The following DOP1A variants were observed in gnomAD, a reference collection of about 807,000 sequenced individuals.
DOP1A encodes DOP1 leucine zipper like protein A.
A neutral mutation model predicts 267.6 loss-of-function variants in DOP1A; 90 were observed. The ratio of observed to expected loss-of-function variants is 0.34; its 90% confidence interval spans 0.28 to 0.40. The LOEUF is 0.40. Among genes scored for constraint, DOP1A ranks in the 10% least tolerant of loss-of-function variants. The probability of loss-of-function intolerance (pLI) is 1.00; values close to 1 mark genes in which losing one functional copy is unlikely to be tolerated. For synonymous variants in DOP1A, 932 were observed against 999.1 expected (o/e 0.93, Z 1.27); for missense variants, 2,437 against 2,900.4 (o/e 0.84, Z 3.67).
intron 1 of DOP1A, among the ~76,000 whole-genome samples, chr6:83,070,263 A>AT (rs1413168635): frequency 6.6e-6 from 1 of 152,316 alleles, no homozygotes; most frequent in East Asian, 1.9e-4. Flanking sequence ...TAAAGCTAAT[A>AT]TTTTTTGTGT....
At chr6:83,099,869 C>T (rs1269356106) in intron 3 of DOP1A, among the ~76,000 whole-genome samples, 1 of 152,010 alleles carries the variant, frequency 6.6e-6, no homozygotes, top group African/African-American at 2.4e-5. Flanking sequence ...ATTATTTCAA[C>T]CTCAGTTTAT....
intron 15 of DOP1A, among the ~76,000 whole-genome samples, chr6:83,127,080 A>C (rs1777293804): frequency 6.6e-6 from 1 of 152,072 alleles, no homozygotes; most frequent in Admixed American, 6.6e-5. Flanking sequence ...AGAAATGCAA[A>C]AACCCGAAAA....
chr6:83,116,315 C>G (rs962199127), intron 7 of DOP1A, among the ~76,000 whole-genome samples: 6 of 152,172 alleles, frequency 3.9e-5, no homozygotes, highest in Non-Finnish European at 1.5e-5. Flanking sequence ...GTCATATGTG[C>G]TTTTGTAACT....
chr6:83,140,432 G>A (rs1488622494), intron 23 of DOP1A, 29 bp downstream of exon 23: 8 of 1,537,566 alleles, frequency 5.2e-6, no homozygotes, highest in Non-Finnish European at 6.1e-6. Flanking sequence ...AATCTGTAGA[G>A]CTCAAGAGTC....
intron 3 of DOP1A, 66 bp downstream of exon 3, chr6:83,097,181 A>G (rs1771651684): frequency 6.6e-7 from 1 of 1,519,272 alleles, no homozygotes; most frequent in Non-Finnish European, 8.9e-7. Flanking sequence ...TACTTGTTAG[A>G]TTTCTCGAAA....
Position 83,153,964 on chromosome 6 carries a change from C to A in DOP1A, c.6310C>A (p.Arg2104=), listed in dbSNP as rs375358541. 6.2e-7 allele frequency: 1 copy of A among 1,614,004 alleles called. No homozygotes were observed. The highest frequency in any genetic ancestry group is 1.1e-5 in the South Asian group (1 of 91,074). ...LSSLSGYQYT[R]RAWKKEAFDL... is the part of the protein sequence containing the mutation. ...CAGTCTTAGTGGGTATCAGTACACA[C>A]GGAGAGCTTGGAAAAAAGAAGCTTT... The change falls in exon 32 of 39, where the codon CGG becomes AGG. Residue 2104 remains arginine, a synonymous_variant. Coordinates refer to ENST00000349129, the MANE Select transcript of DOP1A (RefSeq NM_015018.4).
intron 1 of DOP1A, among the ~76,000 whole-genome samples, chr6:83,083,301 T>G (rs1377763246): frequency 6.6e-6 from 1 of 151,242 alleles, no homozygotes; most frequent in Non-Finnish European, 1.5e-5. Flanking sequence ...ATTATTATAG[T>G]TTTTTTTTAA....
intron 24 of DOP1A, among the ~76,000 whole-genome samples, chr6:83,145,044 A>G (rs1025322437): frequency 7.0e-5 from 10 of 142,356 alleles, no homozygotes; most frequent in East Asian, 6.2e-4. Flanking sequence ...TTGAGGCTGC[A>G]GTAAACTGTA....
At chr6:83,156,668 G>A (rs1782867308) in intron 34 of DOP1A, among the ~76,000 whole-genome samples, 1 of 152,186 alleles carries the variant, frequency 6.6e-6, no homozygotes, top group Admixed American at 6.5e-5. Flanking sequence ...GCTCGAGTCA[G>A]CATACTCTAA....
At chr6:83,126,049 G>A (rs1365886249) in intron 15 of DOP1A, among the ~76,000 whole-genome samples, 1 of 151,442 alleles carries the variant, frequency 6.6e-6, no homozygotes, top group East Asian at 1.9e-4. Flanking sequence ...TTATTTCAAT[G>A]TAATCTATAT....
At chr6:83,164,519 C>A in intron 38 of DOP1A, 1 of 787,368 alleles carries the variant, frequency 1.3e-6, no homozygotes, top group Non-Finnish European at 2.1e-6. Context: ...AGTCTTTTGC[C>A]CAAAATTTGT....
At chr6:83,077,080 AAGC>A (rs1767227440) in intron 1 of DOP1A, among the ~76,000 whole-genome samples, 1 of 152,242 alleles carries the variant, frequency 6.6e-6, no homozygotes, top group South Asian at 2.1e-4. Context: ...AAATTCATAA[AAGC>A]AGAAAATAGA....
intron 33 of DOP1A, 88 bp downstream of exon 33, chr6:83,154,329 G>A: frequency 3.2e-6 from 4 of 1,235,248 alleles, no homozygotes; most frequent in Non-Finnish European, 4.7e-6. Flanking sequence ...GAGACTAGGA[G>A]ACTACTGAAT....
chr6:83,092,656 TTC>T (rs988298266), intron 1 of DOP1A, among the ~76,000 whole-genome samples: 3 of 150,124 alleles, frequency 2.0e-5, no homozygotes, highest in African/African-American at 7.4e-5. Flanking sequence ...CTGTTTTTTT[TTC>T]TATACATATA....
In DOP1A at chr6:83,129,071, C is replaced by T; in HGVS notation, c.1904C>T (p.Ser635Phe). 1 of 1,614,040 alleles carries T rather than the reference C, an allele frequency of 6.2e-7. No homozygotes were observed. The highest frequency in any genetic ancestry group is 8.5e-7 in the Non-Finnish European group (1 of 1,179,974). ...GCTGCCATCCCAATTGGTAGCACAT[C>T]CTCTGAGACAGAAACAGCATCCACT... ...GAAAIPIGST[S>F]SETETASTVG... Residue 635 changes from serine to phenylalanine, a missense_variant, in exon 16 of 39, where the codon TCC becomes TTC. Coordinates refer to ENST00000349129, the MANE Select transcript of DOP1A (RefSeq NM_015018.4).
Position 83,147,329 on chromosome 6 carries a change from C to T in DOP1A, c.5732+38C>T, listed in dbSNP as rs143981360. The T allele has an allele frequency of 1.2e-3, 1,365 of 1,129,580 alleles. 15 individuals carry two copies. In the African/African-American group the frequency reaches 0.019, roughly 16 times the overall value. 70.0% of individuals were successfully genotyped at this position (1,129,580 alleles called of 1,614,324 possible). Reference sequence around the variant, plus strand: ...ATATTGATCTGTCCTTACTATGTTGCTAGAAACAGAGAAACATTATTTATG... The same window carrying T: ...ATATTGATCTGTCCTTACTATGTTGTTAGAAACAGAGAAACATTATTTATG... On this transcript the variant is annotated intron_variant, in intron 26 of 38. Coordinates refer to ENST00000349129, the MANE Select transcript of DOP1A (RefSeq NM_015018.4).
At chr6:83,081,577 A>G (rs1768081854) in intron 1 of DOP1A, among the ~76,000 whole-genome samples, 1 of 152,208 alleles carries the variant, frequency 6.6e-6, no homozygotes, top group Admixed American at 6.5e-5. Flanking sequence ...TAGGACCTGA[A>G]ACTATGAAAC....
At chr6:83,136,902 C>T (rs1289069928) in intron 20 of DOP1A, among the ~76,000 whole-genome samples, 2 of 151,926 alleles carry the variant, frequency 1.3e-5, no homozygotes, top group Non-Finnish European at 2.9e-5. Context: ...TATTGTATGC[C>T]CCCTAAAAAA....
rs764391178 is a variant in DOP1A, at chr6:83,141,838, A to G, written c.5416-83A>G. ...AAACCTATAAGTACTATATTATTTC[A>G]AAGAAACCAAAAACGCAGTCTAGTT... On this transcript the variant is annotated intron_variant, in intron 23 of 38. Transcript: ENST00000349129. 415 of 1,452,528 alleles carry G rather than the reference A, an allele frequency of 2.9e-4. 1 individual carries two copies. The highest frequency in any genetic ancestry group is 8.8e-4 in the Admixed American group (38 of 43,332). The allele number at this position is 1,452,528 out of a possible 1,614,324, so 90.0% of individuals were successfully genotyped here. A position where few individuals can be genotyped will look rare whatever the true frequency, so the allele number is the denominator to read the frequency against.
Sources: allele counts gnomAD v4.1 joint callset (sites outside exome capture counted in the v4.1 genomes callset), GRCh38; gene constraint gnomAD v4.1.1; transcripts MANE v1.5; gene names NCBI Gene and HGNC (gene_info 2026-07-23, HGNC 2026-07-21).